The following IFT80 variants were observed in gnomAD, a reference collection of about 807,000 sequenced individuals.
IFT80 encodes intraflagellar transport protein 80 homolog.
In IFT80, 79 loss-of-function variants were observed where a neutral mutation model predicts 107.9. That is an observed-to-expected ratio of 0.73 (90% CI 0.61 to 0.88). The LOEUF (loss-of-function observed/expected upper bound fraction) is 0.88, where lower values mean the gene tolerates loss of function less well. Ranked by LOEUF, IFT80 falls within the 40% of genes least tolerant of loss-of-function variation. The pLI, the probability that IFT80 is intolerant of heterozygous loss-of-function variation, is 0.00. For missense variants in IFT80, 797 were observed against 914.2 expected (o/e 0.87, Z 1.65); for synonymous variants, 299 against 300.9 (o/e 0.99, Z 0.07).
chr3:160,383,493 G>C, intron 2 of IFT80: 1 of 912,412 alleles, frequency 1.1e-6, no homozygotes, highest in Non-Finnish European at 1.3e-6. Flanking sequence ...TCTGATGAAG[G>C]ACCAGATTTT....
intron 6 of IFT80, among the ~76,000 whole-genome samples, chr3:160,362,769 CAT>C (rs1186188754): frequency 2.6e-5 from 4 of 152,180 alleles, no homozygotes; most frequent in Admixed American, 2.0e-4. Context: ...GACAAAACCA[CAT>C]GATTATCTCA....
chr3:160,343,486 CTA>C (rs1167857739), intron 8 of IFT80, among the ~76,000 whole-genome samples: 1 of 151,960 alleles, frequency 6.6e-6, no homozygotes, highest in African/African-American at 2.4e-5. Flanking sequence ...TTTATAATAA[CTA>C]TGTTAATTTG....
intron 1 of IFT80, among the ~76,000 whole-genome samples, chr3:160,391,165 T>C (rs1002466452): frequency 1.3e-5 from 2 of 152,228 alleles, no homozygotes; most frequent in Non-Finnish European, 2.9e-5. Flanking sequence ...TATACACTGC[T>C]GCTTCAATAA....
chr3:160,335,260 T>C (rs984569828), intron 8 of IFT80, among the ~76,000 whole-genome samples: 4 of 151,354 alleles, frequency 2.6e-5, no homozygotes, highest in Non-Finnish European at 5.9e-5. Context: ...AGACGGAGTC[T>C]TGCTCTGTCA....
At chr3:160,384,539 A>C in intron 2 of IFT80, 25 bp downstream of exon 2, 1 of 1,421,098 alleles carries the variant, frequency 7.0e-7, no homozygotes. Context: ...AAATCCAATA[A>C]GATTTATAAG....
chr3:160,277,661 T>C lies in IFT80; in HGVS notation c.1846A>G (p.Met616Val). 1 of 1,612,746 alleles carries C rather than the reference T, an allele frequency of 6.2e-7. No individual in the cohort carries two copies. The highest frequency in any genetic ancestry group is 8.5e-7 in the Non-Finnish European group (1 of 1,179,012). ...GCCATAGCAGCTAGACAAGCCCACA[T>C]GGTTTGCTCCTAAAGTAAAGTATGA... ...RLCRFVKEQT[M>V]WACLAAMAVA... Residue 616 changes from methionine to valine, a missense_variant, in exon 17 of 20, where the codon ATG becomes GTG. Met to Val is a conservative substitution (Grantham distance 21, BLOSUM62 1). Coordinates refer to ENST00000326448, the MANE Select transcript of IFT80 (RefSeq NM_020800.3).
At chr3:160,336,805 G>T (rs899569118) in intron 8 of IFT80, among the ~76,000 whole-genome samples, 1 of 151,900 alleles carries the variant, frequency 6.6e-6, no homozygotes, top group African/African-American at 2.4e-5. Context: ...CTTTTTCTGG[G>T]ATATATTTTA....
In IFT80 at chr3:160,279,196, A is replaced by G. The variant is rs1714497200; in HGVS notation, c.1833T>C (p.Val611=). 1.2e-6 allele frequency: 2 copies of G among 1,612,330 alleles called. No homozygotes were observed. Among genetic ancestry groups the G allele is most frequent in the Non-Finnish European group, 1.7e-6 (2 of 1,178,480 alleles). The change falls in exon 16 of 20, where the codon GTT becomes GTC. Residue 611 remains valine (V), a synonymous_variant. Coordinates refer to ENST00000326448, the MANE Select transcript of IFT80 (RefSeq NM_020800.3). The stretch of plus-strand genomic sequence containing the variant: ...ATGAATCTAAAATGTAAATTACCTT[A>G]ACAAAGCGACAAAGTCTCACAGCAT... ...WEDAVRLCRF[V]KEQTMWACLA...
intron 1 of IFT80, among the ~76,000 whole-genome samples, chr3:160,387,779 A>G (rs1402766529): frequency 6.6e-6 from 1 of 152,234 alleles, no homozygotes; most frequent in African/African-American, 2.4e-5. Flanking sequence ...TTGTCAGCAA[A>G]AAGATCATAT....
intron 5 of IFT80, among the ~76,000 whole-genome samples, chr3:160,373,963 G>A (rs1377967087): frequency 6.6e-6 from 1 of 152,102 alleles, no homozygotes; most frequent in Non-Finnish European, 1.5e-5. Flanking sequence ...CCCAAGGGTT[G>A]GGGACCCCTG....
Position 160,329,642 on chromosome 3 carries a change from A to T in IFT80, c.778-9703T>A, listed in dbSNP as rs540752951. Among the ~76,000 whole-genome samples the T allele has an allele frequency of 1.2e-4, 18 of 152,304 alleles. No individual in the cohort carries two copies. The South Asian group carries it at 3.5e-3, about 30-fold the overall frequency. Reference sequence around the variant, plus strand: ...AGAATCTGAACAGAAAGGCTTTGCTAAATTTCCCCTAGTTTATTAGCATTA... The same window carrying T: ...AGAATCTGAACAGAAAGGCTTTGCTTAATTTCCCCTAGTTTATTAGCATTA... On this transcript the variant is annotated intron_variant, in intron 8 of 19. Coordinates refer to ENST00000326448, the MANE Select transcript of IFT80 (RefSeq NM_020800.3).
At position 160,343,730 on chromosome 3, in the gene IFT80, G is replaced by A. The variant is rs115186123; in HGVS notation, c.777+12283C>T. The A allele has an allele frequency of 4.2e-3, 1,132 of 271,368 alleles. 11 individuals are homozygous for A. Among genetic ancestry groups the A allele is most frequent in the African/African-American group, 0.024 (1,039 of 42,852 alleles). The allele number at this position is 271,368 out of a possible 1,614,324, so 16.8% of individuals were successfully genotyped here. ...TCATTTAAAAAATGCCATCTCCTTC[G>A]CCCAGCTTAATTTTTATAGCACTCA... On this transcript the variant is annotated intron_variant, in intron 8 of 19. Transcript: ENST00000326448.
rs764200540 is a variant in IFT80, at chr3:160,345,054, T to A, written c.777+10959A>T. ...TAGAGGTTCCTCAAAAAACTAAAAA[T>A]AAAGCTACCATATGACCAAGCAATC... On this transcript the variant is annotated intron_variant, in intron 8 of 19. Coordinates refer to ENST00000326448, the MANE Select transcript of IFT80 (RefSeq NM_020800.3). Among the ~76,000 whole-genome samples, 2 of 152,110 alleles carry A rather than the reference T, an allele frequency of 1.3e-5. 1 individual carries two copies. The highest frequency in any genetic ancestry group is 3.9e-4 in the East Asian group (2 of 5,184).
At chr3:160,391,608 T>C (rs1247564480) in intron 1 of IFT80, 1 of 150,550 alleles carries the variant, frequency 6.6e-6, no homozygotes, top group African/African-American at 2.5e-5. Flanking sequence ...GAGGTGGAGG[T>C]TGCAGTAAAC....
chr3:160,307,864 C>CA (rs771436900), intron 9 of IFT80, 83 bp from the exon 10 acceptor site: 400 of 768,014 alleles, frequency 5.2e-4, no homozygotes, highest in Non-Finnish European at 7.8e-4. Flanking sequence ...TTTTGAAACA[C>CA]AAAAAATTAA....
chr3:160,262,865 C>A (rs917496386), intron 19 of IFT80, among the ~76,000 whole-genome samples: 1 of 152,118 alleles, frequency 6.6e-6, no homozygotes, highest in African/African-American at 2.4e-5. Context: ...AGGGTCCAAC[C>A]ATAGCTTTCT....
In IFT80 at chr3:160,280,682, TATA is replaced by T. The variant is rs431905497; in HGVS notation, c.1646_1648del (p.Leu549del). 10 of 1,612,246 alleles carry T rather than the reference TATA, an allele frequency of 6.2e-6. No individual in the cohort carries two copies. In the South Asian group the frequency reaches 9.9e-5, roughly 16 times the overall value. The stretch of plus-strand genomic sequence containing the variant: ...AAAATGTTACCTTGCATCCCTTTCA[TATA>T]ATGTTTTAGGCAAAATGTCTCTGTC... On this transcript the variant is annotated inframe_deletion, in exon 15 of 20. Transcript: ENST00000326448.
At chr3:160,389,436 C>A (rs931123876) in intron 1 of IFT80, among the ~76,000 whole-genome samples, 1 of 150,460 alleles carries the variant, frequency 6.6e-6, no homozygotes, top group Non-Finnish European at 1.5e-5. Context: ...CCCATTAACT[C>A]GTCATTTAGC....
At chr3:160,302,082 ACTATGG>A (rs2108268759) in intron 11 of IFT80, among the ~76,000 whole-genome samples, 1 of 152,150 alleles carries the variant, frequency 6.6e-6, no homozygotes, top group East Asian at 1.9e-4. Context: ...TTACACACAT[ACTATGG>A]CTATATTGGT....
Sources: allele counts gnomAD v4.1 joint callset (sites outside exome capture counted in the v4.1 genomes callset), GRCh38; gene constraint gnomAD v4.1.1; transcripts MANE v1.5; gene names NCBI Gene and HGNC (gene_info 2026-07-23, HGNC 2026-07-21).